Variants in TMEM132E observed in about 807,000 individuals in gnomAD.
TMEM132E encodes the protein transmembrane protein 132E.
Under a neutral mutation model 78.5 loss-of-function variants are expected in TMEM132E, and 49 were observed. That is an observed-to-expected ratio of 0.62 (90% CI 0.50 to 0.79). The LOEUF (loss-of-function observed/expected upper bound fraction) is 0.79. Among genes scored for constraint, TMEM132E ranks in the 30% least tolerant of loss-of-function variants. The pLI is 0.00. For synonymous variants in TMEM132E, 715 were observed against 670.6 expected (o/e 1.07, Z -1.02); for missense variants, 1,403 against 1,470.9 (o/e 0.95, Z 0.75).
intron 1 of TMEM132E, among the ~76,000 whole-genome samples, chr17:34,607,996 A>G (rs568466980): frequency 6.6e-6 from 1 of 152,268 alleles, no homozygotes; most frequent in East Asian, 1.9e-4. Flanking sequence ...TGATTCGATC[A>G]TTGGCCATTG....
intron 1 of TMEM132E, among the ~76,000 whole-genome samples, chr17:34,584,077 C>T (rs1430216764): frequency 6.6e-6 from 1 of 152,196 alleles, no homozygotes; most frequent in African/African-American, 2.4e-5. Flanking sequence ...ATTATGTCAG[C>T]TCACTACTCA....
In TMEM132E at chr17:34,580,613, A is replaced by C. The variant is rs567916502; in HGVS notation, c.-464A>C. The C allele has an allele frequency of 6.2e-6, 1 of 160,970 alleles. No individual in the cohort carries two copies. Among genetic ancestry groups the C allele is most frequent in the African/African-American group, 2.4e-5 (1 of 41,936 alleles). 10.0% of individuals were successfully genotyped at this position (160,970 alleles called of 1,614,324 possible). A position where few individuals can be genotyped will look rare whatever the true frequency, so the allele number is the denominator to read the frequency against. ...GGCTGCTGCAGGGGCTTGGAGGAAG[A>C]AAGCGGCGCTATCCATGTGCGGTTA... On this transcript the variant is annotated 5_prime_UTR_variant, in exon 1 of 9. Coordinates refer to ENST00000631683, the MANE Select transcript of TMEM132E (RefSeq NM_001304438.2).
chr17:34,607,408 C>G (rs1468704154), intron 1 of TMEM132E, among the ~76,000 whole-genome samples: 1 of 152,150 alleles, frequency 6.6e-6, no homozygotes, highest in Non-Finnish European at 1.5e-5. Context: ...CAGCAACAAA[C>G]AAATCTCTTC....
At chr17:34,594,173 T>G (rs1053480814) in intron 1 of TMEM132E, among the ~76,000 whole-genome samples, 2 of 152,196 alleles carry the variant, frequency 1.3e-5, no homozygotes, top group East Asian at 3.9e-4. Flanking sequence ...AGGCCATCTC[T>G]GTTTTGTTCA....
chr17:34,610,939 G>C (rs1222036885), intron 1 of TMEM132E, among the ~76,000 whole-genome samples: 1 of 152,240 alleles, frequency 6.6e-6, no homozygotes, highest in African/African-American at 2.4e-5. Context: ...GTGTGATTTA[G>C]TGTGTTAATG....
intron 1 of TMEM132E, among the ~76,000 whole-genome samples, chr17:34,616,839 G>C (rs1567716992): frequency 1.3e-5 from 2 of 152,188 alleles, no homozygotes; most frequent in Non-Finnish European, 2.9e-5. Context: ...CTCCAGCCTG[G>C]GGTGGGGACA....
At chr17:34,581,553 C>T (rs1021041582) in intron 1 of TMEM132E, among the ~76,000 whole-genome samples, 2 of 152,100 alleles carry the variant, frequency 1.3e-5, no homozygotes, top group Non-Finnish European at 2.9e-5. Context: ...TCGCGTCTTT[C>T]CTCGCCCCGG....
At chr17:34,581,862 G>T (rs1905497041) in intron 1 of TMEM132E, among the ~76,000 whole-genome samples, 1 of 152,212 alleles carries the variant, frequency 6.6e-6, no homozygotes, top group African/African-American at 2.4e-5. Flanking sequence ...GGTAAAGGGG[G>T]TGGGAGAAGG....
chr17:34,638,334 TG>T lies in TMEM132E; in HGVS notation c.*103del. 1 of 1,281,378 alleles carries T rather than the reference TG, an allele frequency of 7.8e-7. No homozygotes were observed. Among genetic ancestry groups the T allele is most frequent in the African/African-American group, 1.5e-5 (1 of 66,090 alleles). The allele number at this position is 1,281,378 out of a possible 1,614,324, so 79.4% of individuals were successfully genotyped here. On this transcript the variant is annotated 3_prime_UTR_variant, in exon 9 of 9. Coordinates refer to ENST00000631683, the MANE Select transcript of TMEM132E (RefSeq NM_001304438.2). ...TCACACTGACTCTGGGCGGCTGAATTGATTTTGTACTCCCTGCCCCTGCAGC... is the reference window on the plus strand; with the variant it reads ...TCACACTGACTCTGGGCGGCTGAATTATTTTGTACTCCCTGCCCCTGCAGC...
intron 2 of TMEM132E, among the ~76,000 whole-genome samples, chr17:34,627,396 A>T (rs990272703): frequency 7.2e-5 from 11 of 151,870 alleles, no homozygotes; most frequent in Non-Finnish European, 1.5e-4. Flanking sequence ...CATTTTACAG[A>T]CAAGGAGACT....
Position 34,634,867 on chromosome 17 carries a change from GCACCCTGCAGTACCAGCATGC to G in TMEM132E, c.1768_1788del (p.Tyr590_Gln596del), listed in dbSNP as rs761557471. The stretch of plus-strand genomic sequence containing the variant: ...CGGCGGCAGAGTGCAAGCCGTGGCT[GCACCCTGCAGTACCAGCATGC>G]CACCCTGCAGGTCTTCACCCAGTTC... On this transcript the variant is annotated inframe_deletion, in exon 7 of 9. Coordinates refer to ENST00000631683, the MANE Select transcript of TMEM132E (RefSeq NM_001304438.2). The G allele has an allele frequency of 6.2e-7, 1 of 1,614,158 alleles. No individual in the cohort carries two copies. The highest frequency in any genetic ancestry group is 1.1e-5 in the South Asian group (1 of 91,078).
intron 4 of TMEM132E, 139 bp from the exon 5 acceptor site, chr17:34,629,869 A>C (rs1014356447): frequency 7.0e-6 from 7 of 1,002,514 alleles, no homozygotes; most frequent in African/African-American, 1.6e-5. Flanking sequence ...CTATCCCTGC[A>C]CACGGGTGCA....
chr17:34,635,056 C>T lies in TMEM132E; in HGVS notation c.1946C>T (p.Ala649Val), dbSNP rs1907477203. Reference protein sequence around the residue: ...VAHMVDSSTLAGLEPGTTPFK... With the variant: ...VAHMVDSSTLVGLEPGTTPFK... ...CACATGGTGGACAGCAGCACGCTGG[C>T]AGGACTGGAGCCAGGCACCACCCCC... The change falls in exon 7 of 9, where the codon GCA (alanine) becomes GTA (valine). Residue 649 changes from alanine (A) to valine (V), a missense_variant. Ala to Val is a moderately conservative substitution (Grantham distance 64). This residue lies in a region of TMEM132E where 888 missense variants were observed against 952.8 expected (regional missense o/e 0.93). Coordinates refer to ENST00000631683, the MANE Select transcript of TMEM132E (RefSeq NM_001304438.2). The T allele has an allele frequency of 6.2e-7, 1 of 1,613,842 alleles. No homozygotes were observed. The highest frequency in any genetic ancestry group is 8.5e-7 in the Non-Finnish European group (1 of 1,179,920).
At chr17:34,603,025 C>G (rs1906289834) in intron 1 of TMEM132E, among the ~76,000 whole-genome samples, 1 of 152,112 alleles carries the variant, frequency 6.6e-6, no homozygotes, top group African/African-American at 2.4e-5. Context: ...CAGGGAGGCA[C>G]AGAGGCTGTG....
At chr17:34,607,681 C>T (rs554017503) in intron 1 of TMEM132E, among the ~76,000 whole-genome samples, 243 of 152,236 alleles carry the variant, frequency 1.6e-3, no homozygotes, top group African/African-American at 5.1e-3. Flanking sequence ...GACTCGGCTA[C>T]GACGGGGATT....
At chr17:34,623,158 T>C (rs1357751086) in intron 1 of TMEM132E, among the ~76,000 whole-genome samples, 1 of 151,996 alleles carries the variant, frequency 6.6e-6, no homozygotes, top group Admixed American at 6.5e-5. Context: ...CCAGACCAGG[T>C]CCTCCCCCAG....
chr17:34,612,716 G>T (rs1490862881), intron 1 of TMEM132E, among the ~76,000 whole-genome samples: 37 of 152,144 alleles, frequency 2.4e-4, no homozygotes, highest in Admixed American at 2.4e-3. Flanking sequence ...TAGCTCAGGG[G>T]ATCTCTACAC....
At chr17:34,618,395 ATT>A (rs57529797) in intron 1 of TMEM132E, among the ~76,000 whole-genome samples, 3,246 of 133,582 alleles carry the variant, frequency 0.024, 87 homozygotes, top group South Asian at 0.077. Flanking sequence ...ACGTCTGGTG[ATT>A]TTTTTTTTTT....
chr17:34,593,177 C>T (rs1905936318), intron 1 of TMEM132E, among the ~76,000 whole-genome samples: 1 of 151,672 alleles, frequency 6.6e-6, no homozygotes, highest in Admixed American at 6.6e-5. Context: ...GAAGCTGAGG[C>T]CAGAGAATCC....
Sources: allele counts gnomAD v4.1 joint callset (sites outside exome capture counted in the v4.1 genomes callset), GRCh38; gene constraint gnomAD v4.1.1; regional missense constraint gnomAD v4.1.1; transcripts MANE v1.5; gene names NCBI Gene and HGNC (gene_info 2026-07-23, HGNC 2026-07-21).